Variants in ARFIP1 observed in about 807,000 individuals in gnomAD.
ARFIP1 encodes arfaptin-1.
ARFIP1 carries 24 observed loss-of-function variants against 42.5 expected under a neutral mutation model. The ratio of observed to expected loss-of-function variants is 0.57; its 90% CI spans 0.41 to 0.80. The LOEUF (loss-of-function observed/expected upper bound fraction) is 0.80. ARFIP1 is among the 30% of genes least tolerant of loss of function. The pLI, the probability that ARFIP1 is intolerant of heterozygous loss-of-function variation, is 0.00. For synonymous variants in ARFIP1, 141 were observed against 153.7 expected, an observed-to-expected ratio of 0.92 and a Z score of 0.61; for missense variants, 354 against 434.0, an observed-to-expected ratio of 0.82 and a Z score of 1.64.
chr4:152,836,842 G>A (rs1731687708), intron 2 of ARFIP1, among the ~76,000 whole-genome samples: 1 of 151,972 alleles, frequency 6.6e-6, no homozygotes, highest in African/African-American at 2.4e-5. Context: ...TTGGTTACAT[G>A]AATAAGTTCT....
At chr4:152,846,980 A>C (rs1732583257) in intron 2 of ARFIP1, among the ~76,000 whole-genome samples, 1 of 151,264 alleles carries the variant, frequency 6.6e-6, no homozygotes, top group Non-Finnish European at 1.5e-5. Context: ...TTTTCATTTT[A>C]CTTCCTTTCT....
chr4:152,886,960 A>G (rs1198385586), intron 7 of ARFIP1, among the ~76,000 whole-genome samples: 1 of 152,020 alleles, frequency 6.6e-6, no homozygotes, highest in Non-Finnish European at 1.5e-5. Flanking sequence ...GGACTGATGT[A>G]TTCTTTCTCA....
At chr4:152,831,437 A>G (rs1463549685) in intron 2 of ARFIP1, among the ~76,000 whole-genome samples, 1 of 152,012 alleles carries the variant, frequency 6.6e-6, no homozygotes, top group Admixed American at 6.6e-5. Flanking sequence ...TCTTAAGCCT[A>G]TTTTTTTTCT....
At chr4:152,813,629 A>G (rs1241181073) in intron 1 of ARFIP1, among the ~76,000 whole-genome samples, 1 of 152,162 alleles carries the variant, frequency 6.6e-6, no homozygotes, top group East Asian at 1.9e-4. Flanking sequence ...TTTGTAGTCC[A>G]CTTACAAGTA....
At chr4:152,883,764 G>A (rs1736043180) in intron 7 of ARFIP1, among the ~76,000 whole-genome samples, 1 of 151,348 alleles carries the variant, frequency 6.6e-6, no homozygotes, top group East Asian at 1.9e-4. Flanking sequence ...TTCACCTTTT[G>A]ATTCCAGGCC....
chr4:152,834,086 G>A (rs1028191674), intron 2 of ARFIP1, among the ~76,000 whole-genome samples: 1 of 152,068 alleles, frequency 6.6e-6, no homozygotes, highest in Non-Finnish European at 1.5e-5. Flanking sequence ...GAGAAAAGGT[G>A]GAGGTCCCAG....
At chr4:152,804,430 AATATAACATGTATTATATATATT>A (rs1728817340) in intron 1 of ARFIP1, among the ~76,000 whole-genome samples, 1 of 108,982 alleles carries the variant, frequency 9.2e-6, no homozygotes, top group Admixed American at 1.2e-4. Flanking sequence ...TATTATATAT[AATATAACATGTATTATATATATT>A]ATATATAATA....
chr4:152,810,778 C>T lies in ARFIP1; in HGVS notation c.-9-18847C>T, dbSNP rs183041306. 4.0e-3 allele frequency among the ~76,000 whole-genome samples: 607 copies of T among 152,082 alleles called. 6 individuals carry two copies. The highest frequency in any genetic ancestry group is 0.014 in the African/African-American group (572 of 41,476). On this transcript the variant is annotated intron_variant, in intron 1 of 8. Transcript: ENST00000353617. ...TTGCAGTGAGCCAACATCACGCCAC[C>T]GCACTCCAGCCTGGGCTACAGAGCG...
At chr4:152,879,365 ATC>A in intron 5 of ARFIP1, among the ~76,000 whole-genome samples, 1 of 152,328 alleles carries the variant, frequency 6.6e-6, no homozygotes, top group Middle Eastern at 3.4e-3. Flanking sequence ...CTCTAAAAAT[ATC>A]TGAGATTGTA....
chr4:152,909,854 C>G (rs958097931), intron 8 of ARFIP1, among the ~76,000 whole-genome samples: 25 of 152,140 alleles, frequency 1.6e-4, no homozygotes, highest in African/African-American at 6.0e-4. Flanking sequence ...TAAAACTGAC[C>G]TATTCTCTTT....
intron 1 of ARFIP1, among the ~76,000 whole-genome samples, chr4:152,788,223 C>A (rs1730928526): frequency 1.3e-5 from 2 of 152,164 alleles, no homozygotes; most frequent in African/African-American, 4.8e-5. Flanking sequence ...CAGCAAGACT[C>A]CGTCTCAAAA....
intron 1 of ARFIP1, among the ~76,000 whole-genome samples, chr4:152,805,789 T>C (rs1284439591): frequency 6.6e-6 from 1 of 152,264 alleles, no homozygotes; most frequent in Non-Finnish European, 1.5e-5. Flanking sequence ...ATCTTACAGA[T>C]GAAGGAAGAG....
chr4:152,827,953 C>T (rs74997586), intron 1 of ARFIP1, among the ~76,000 whole-genome samples: 1,711 of 152,300 alleles, frequency 0.011, 43 homozygotes, highest in African/African-American at 0.038. Context: ...GGATTACAGA[C>T]ATGAACCACT....
intron 1 of ARFIP1, among the ~76,000 whole-genome samples, chr4:152,785,777 A>G (rs1300519725): frequency 6.6e-6 from 1 of 152,224 alleles, no homozygotes; most frequent in Non-Finnish European, 1.5e-5. Flanking sequence ...TGCACTGTCT[A>G]ATGCCAGGGA....
At chr4:152,784,677 C>T (rs1474215511) in intron 1 of ARFIP1, among the ~76,000 whole-genome samples, 1 of 152,224 alleles carries the variant, frequency 6.6e-6, no homozygotes, top group East Asian at 1.9e-4. Flanking sequence ...TGACCTCAGT[C>T]ACCAGAATCT....
chr4:152,882,847 C>T lies in ARFIP1; in HGVS notation c.758C>T (p.Thr253Ile), dbSNP rs182697980. Residue 253 changes from threonine (T) to isoleucine (I), a missense_variant, in exon 7 of 9, where the codon ACA becomes ATA. Physicochemically the swap from Thr to Ile is moderately conservative, Grantham distance 89. Coordinates refer to ENST00000353617, the MANE Select transcript of ARFIP1 (RefSeq NM_001025595.3). ...TTGGTGAATAAAACCATTGAAGATACATTAATGACTGTGAAACAGTATGAA... is the reference window on the plus strand; with the variant it reads ...TTGGTGAATAAAACCATTGAAGATATATTAATGACTGTGAAACAGTATGAA... ...NTLVNKTIED[T>I]LMTVKQYESA... 1.9e-6 allele frequency: 3 copies of T among 1,610,470 alleles called. No individual in the cohort carries two copies. Among genetic ancestry groups the T allele is most frequent in the African/African-American group, 2.7e-5 (2 of 74,736 alleles).
Position 152,911,124 on chromosome 4 carries a change from A to G in ARFIP1, c.*905A>G, listed in dbSNP as rs1738815998. 6.6e-6 allele frequency: 1 copy of G among 152,648 alleles called. No individual in the cohort carries two copies. The highest frequency in any genetic ancestry group is 2.1e-4 in the South Asian group (1 of 4,832). 9.5% of individuals were successfully genotyped at this position (152,648 alleles called of 1,614,324 possible). A position where few individuals can be genotyped will look rare whatever the true frequency, so the allele number is the denominator to read the frequency against. On this transcript the variant is annotated 3_prime_UTR_variant, in exon 9 of 9. Coordinates refer to ENST00000353617, the MANE Select transcript of ARFIP1 (RefSeq NM_001025595.3). ...ATACCGTTTAAGCCTTAAATCACAG[A>G]TATGTGCCTTCTCAGATACAGTAAT...
intron 7 of ARFIP1, among the ~76,000 whole-genome samples, chr4:152,885,508 G>A (rs747537413): frequency 6.6e-6 from 1 of 151,734 alleles, no homozygotes; most frequent in Non-Finnish European, 1.5e-5. Context: ...TTGTTGATAC[G>A]GACTCAGTTC....
intron 2 of ARFIP1, among the ~76,000 whole-genome samples, chr4:152,844,082 C>A (rs1460271390): frequency 6.6e-6 from 1 of 152,194 alleles, no homozygotes; most frequent in African/African-American, 2.4e-5. Flanking sequence ...CAGCGAGCTC[C>A]CAGGGCCTTT....
Sources: allele counts gnomAD v4.1 joint callset (sites outside exome capture counted in the v4.1 genomes callset), GRCh38; gene constraint gnomAD v4.1.1; transcripts MANE v1.5; gene names NCBI Gene and HGNC (gene_info 2026-07-23, HGNC 2026-07-21).